The following TESC variants were observed in gnomAD, a reference collection of about 807,000 sequenced individuals.
TESC encodes the protein tescalcin.
Under a neutral mutation model 31.0 loss-of-function variants are expected in TESC, and 19 were observed. The observed-to-expected ratio is 0.61, with a 90% CI of 0.43 to 0.90. The LOEUF is 0.90. Ranked by LOEUF, TESC falls within the 40% of genes least tolerant of loss-of-function variation. The pLI, the probability that TESC is intolerant of heterozygous loss-of-function variation, is 0.00. For synonymous variants in TESC, 109 were observed against 114.8 expected (o/e 0.95, Z 0.32); for missense variants, 248 against 303.8 (o/e 0.82, Z 1.36).
intron 1 of TESC, among the ~76,000 whole-genome samples, chr12:117,086,004 G>T (rs1040234986): frequency 6.6e-6 from 1 of 152,176 alleles, no homozygotes; most frequent in Non-Finnish European, 1.5e-5. Context: ...AGGCAGCCCT[G>T]TCATACTCCA....
intron 1 of TESC, among the ~76,000 whole-genome samples, chr12:117,080,814 C>A (rs985633793): frequency 1.1e-4 from 16 of 152,166 alleles, no homozygotes; most frequent in African/African-American, 2.9e-4. Flanking sequence ...GGGCCCCTCG[C>A]ATAAGCACCT....
At chr12:117,052,009 C>G (rs778587935) in intron 3 of TESC, among the ~76,000 whole-genome samples, 1 of 152,134 alleles carries the variant, frequency 6.6e-6, no homozygotes, top group African/African-American at 2.4e-5. Context: ...CCTGGCCATA[C>G]GCAATCCTAC....
intron 1 of TESC, among the ~76,000 whole-genome samples, chr12:117,089,602 T>TA (rs1189059949): frequency 6.6e-6 from 1 of 152,228 alleles, no homozygotes; most frequent in Admixed American, 6.5e-5. Flanking sequence ...AAACTTTTTT[T>TA]ATAAGTCATT....
rs1238625209 is a variant in TESC, at chr12:117,099,411, G to A, written c.-129C>T. ...ACGCCGGCGAAGGCTCGGAGCCGCG[G>A]GTTCCGCGTGGGGCCGGAGCGGGGC... On this transcript the variant is annotated 5_prime_UTR_variant, in exon 1 of 8. Coordinates refer to ENST00000335209, the MANE Select transcript of TESC (RefSeq NM_017899.4). 7.7e-6 allele frequency: 7 copies of A among 907,524 alleles called. No individual in the cohort carries two copies. Among genetic ancestry groups the A allele is most frequent in the Middle Eastern group, 3.8e-4 (1 of 2,598 alleles). The allele number at this position is 907,524 out of a possible 1,614,324, so 56.2% of individuals were successfully genotyped here. A position where few individuals can be genotyped will look rare whatever the true frequency, so the allele number is the denominator to read the frequency against.
chr12:117,075,398 G>A, intron 1 of TESC, 58 bp from the exon 2 acceptor site: 1 of 1,577,958 alleles, frequency 6.3e-7, no homozygotes, highest in Non-Finnish European at 8.6e-7. Flanking sequence ...CTGACTGTCA[G>A]AGGGAGGCTG....
intron 2 of TESC, among the ~76,000 whole-genome samples, chr12:117,072,127 C>A (rs1161511318): frequency 6.6e-6 from 1 of 152,196 alleles, no homozygotes; most frequent in Admixed American, 6.5e-5. Context: ...CCTCCAACAG[C>A]CTCATATCCT....
chr12:117,098,711 C>G (rs942710418), intron 1 of TESC: 1 of 152,356 alleles, frequency 6.6e-6, no homozygotes, highest in African/African-American at 2.4e-5. Flanking sequence ...GCTGCCTGAA[C>G]CCATTTTACA....
intron 1 of TESC, among the ~76,000 whole-genome samples, chr12:117,080,327 G>T (rs774054313): frequency 6.6e-6 from 1 of 152,096 alleles, no homozygotes; most frequent in African/African-American, 2.4e-5. Flanking sequence ...AATCAGCCAG[G>T]CGTGGTGGGG....
At position 117,099,380 on chromosome 12, in the gene TESC, G is replaced by T; in HGVS notation, c.-98C>A. 1 of 1,212,918 alleles carries T rather than the reference G, an allele frequency of 8.2e-7. No individual in the cohort carries two copies. The highest frequency in any genetic ancestry group is 2.5e-5 in the South Asian group (1 of 40,804). The allele number at this position is 1,212,918 out of a possible 1,614,324, so 75.1% of individuals were successfully genotyped here. A position where few individuals can be genotyped will look rare whatever the true frequency, so the allele number is the denominator to read the frequency against. ...GGACTGGCCTCGGGTCCGGCCTCGG[G>T]TCGGGACGCCGGCGAAGGCTCGGAG... On this transcript the variant is annotated 5_prime_UTR_variant, in exon 1 of 8. Coordinates refer to ENST00000335209, the MANE Select transcript of TESC (RefSeq NM_017899.4).
chr12:117,051,128 T>G (rs1426814947), intron 3 of TESC, among the ~76,000 whole-genome samples: 1 of 152,108 alleles, frequency 6.6e-6, no homozygotes, highest in African/African-American at 2.4e-5. Context: ...TGGCCCGGGG[T>G]GGCTAACAGT....
rs1333638741 is a variant in TESC, at chr12:117,056,802, C to T, written c.209+4G>A. On this transcript the variant is annotated splice_donor_region_variant and intron_variant, in intron 3 of 7. Coordinates refer to ENST00000335209, the MANE Select transcript of TESC (RefSeq NM_017899.4). ...ACTGGGCTGGTTCAGGGGAAAACGC[C>T]CACCTGTTGTCGAAGAAGGCACGAA... 2.4e-5 allele frequency: 38 copies of T among 1,613,910 alleles called. No individual in the cohort carries two copies. Among genetic ancestry groups the T allele is most frequent in the Non-Finnish European group, 3.1e-5 (36 of 1,179,974 alleles).
chr12:117,056,690 C>T (rs1226414786), intron 3 of TESC, 116 bp downstream of exon 3: 3 of 1,131,726 alleles, frequency 2.7e-6, no homozygotes, highest in East Asian at 4.7e-5. Context: ...CCCTACCCAG[C>T]TTGGCCCCCT....
intron 2 of TESC, among the ~76,000 whole-genome samples, chr12:117,069,392 C>T (rs563776578): frequency 6.6e-5 from 10 of 152,286 alleles, no homozygotes; most frequent in African/African-American, 1.2e-4. Context: ...GCACACACCA[C>T]CACGCCCAAC....
At chr12:117,091,041 C>T (rs1248748028) in intron 1 of TESC, among the ~76,000 whole-genome samples, 2 of 152,214 alleles carry the variant, frequency 1.3e-5, no homozygotes. Flanking sequence ...AGGCTTGCTC[C>T]TGACAGAGTG....
intron 1 of TESC, among the ~76,000 whole-genome samples, chr12:117,080,919 G>T (rs1259715062): frequency 6.6e-6 from 1 of 152,188 alleles, no homozygotes; most frequent in Non-Finnish European, 1.5e-5. Flanking sequence ...CAGTTTCCTT[G>T]CTCCTCACCT....
intron 6 of TESC, 70 bp from the exon 7 acceptor site, chr12:117,042,064 C>A: frequency 6.8e-7 from 1 of 1,477,758 alleles, no homozygotes; most frequent in South Asian, 1.2e-5. Flanking sequence ...GGGGGACGGT[C>A]CACTGGCCTC....
intron 2 of TESC, among the ~76,000 whole-genome samples, chr12:117,067,390 T>C (rs1410534510): frequency 6.6e-6 from 1 of 152,036 alleles, no homozygotes; most frequent in Non-Finnish European, 1.5e-5. Flanking sequence ...CTAGCAAGAC[T>C]CGCATCTCTA....
intron 2 of TESC, among the ~76,000 whole-genome samples, chr12:117,073,685 G>A (rs2135783007): frequency 6.6e-6 from 1 of 152,256 alleles, no homozygotes; most frequent in South Asian, 2.1e-4. Flanking sequence ...GCTTATTTTA[G>A]GAAACTACAT....
intron 2 of TESC, among the ~76,000 whole-genome samples, chr12:117,064,257 G>A (rs530704212): frequency 2.4e-4 from 37 of 152,306 alleles, no homozygotes; most frequent in Middle Eastern, 3.4e-3. Context: ...AGAACTGCTG[G>A]CCTCTTAATC....
Sources: allele counts gnomAD v4.1 joint callset (sites outside exome capture counted in the v4.1 genomes callset), GRCh38; gene constraint gnomAD v4.1.1; transcripts MANE v1.5; gene names NCBI Gene and HGNC (gene_info 2026-07-23, HGNC 2026-07-21).